The following OR2T2 variants were observed in gnomAD, a reference collection of about 807,000 sequenced individuals.
OR2T2 encodes olfactory receptor 2T2.
For synonymous variants in OR2T2, 50 were observed against 162.7 expected (o/e 0.31, Z 5.27); for missense variants, 138 against 409.1 (o/e 0.34, Z 5.72).
chr1:248,445,638 C>CTT (rs1662622625), exon 1 of OR2T2: 1 of 152,304 alleles, frequency 6.6e-6, no homozygotes, highest in Admixed American at 6.5e-5. Flanking sequence ...TCCACTACTG[C>CTT]TTTAGAAAGA....
chr1:248,447,150 G>C (rs1477111557), intron 2 of OR2T2, among the ~76,000 whole-genome samples: 5 of 151,666 alleles, frequency 3.3e-5, no homozygotes, highest in Middle Eastern at 3.2e-3. Flanking sequence ...TGGATACTAC[G>C]TTGCTGTGGA....
intron 1 of OR2T2, among the ~76,000 whole-genome samples, chr1:248,446,269 G>GA (rs1354566631): frequency 7.0e-6 from 1 of 143,670 alleles, no homozygotes; most frequent in Non-Finnish European, 1.5e-5. Context: ...AGGTCTCCTA[G>GA]AAGCCATCTT....
At chr1:248,447,241 A>G (rs1473949662) in intron 2 of OR2T2, among the ~76,000 whole-genome samples, 1 of 150,174 alleles carries the variant, frequency 6.7e-6, no homozygotes, top group Non-Finnish European at 1.5e-5. Flanking sequence ...GTACAGGAGT[A>G]GCTTGTGTAG....
At chr1:248,449,680 C>T (rs1307728662) in intron 2 of OR2T2, among the ~76,000 whole-genome samples, 1 of 129,372 alleles carries the variant, frequency 7.7e-6, no homozygotes, top group East Asian at 2.3e-4. Context: ...GATTATGTTG[C>T]AACACTGGGT....
At chr1:248,449,765 G>A (rs566154556) in intron 2 of OR2T2, among the ~76,000 whole-genome samples, 2 of 122,732 alleles carry the variant, frequency 1.6e-5, no homozygotes, top group Non-Finnish European at 3.1e-5. Context: ...ATCATTCACC[G>A]CCTTGAAGAG....
At chr1:248,450,493 A>G (rs1159010507) in intron 2 of OR2T2, among the ~76,000 whole-genome samples, 3 of 149,158 alleles carry the variant, frequency 2.0e-5, no homozygotes, top group Admixed American at 6.6e-5. Context: ...TTATCCTTTT[A>G]TCATAGACAT....
chr1:248,453,980 A>T (rs1662883303), exon 3 of OR2T2: 1 of 596,204 alleles, frequency 1.7e-6, no homozygotes, highest in Non-Finnish European at 2.9e-6. Flanking sequence ...ATTCAAAATT[A>T]ACAGGCAAAA....
intron 1 of OR2T2, 90 bp downstream of exon 1, chr1:248,445,759 C>A (rs1279111980): frequency 2.0e-5 from 3 of 151,998 alleles, no homozygotes; most frequent in Admixed American, 2.0e-4. Context: ...ATTAGAAGGC[C>A]ACGTTACTAC....
Position 248,446,352 on chromosome 1 carries a change from AG to A in OR2T2, c.-245-235del, listed in dbSNP as rs1351083200. ...GGAGATGTGGACATGTTGGAAGCTC[AG>A]GCTGTAGGGGTATAATAATGAGTGC... is the stretch of plus-strand genomic sequence containing the variant. On this transcript the variant is annotated intron_variant, in intron 1 of 2. Coordinates refer to ENST00000642130, the Ensembl canonical transcript of OR2T2. 6.2e-5 allele frequency among the ~76,000 whole-genome samples: 9 copies of A among 145,166 alleles called. No homozygotes were observed. The East Asian group carries it at 1.7e-3, about 28-fold the overall frequency.
rs1479349235 is a variant in OR2T2, at chr1:248,446,512, G to GCCAAC, written c.-245-76_-245-75insCAACC. 5.2e-4 allele frequency: 70 copies of GCCAAC among 135,884 alleles called. 1 individual carries two copies. The highest frequency in any genetic ancestry group is 1.7e-3 in the African/African-American group (55 of 32,086). The allele number at this position is 135,884 out of a possible 1,614,324, so 8.4% of individuals were successfully genotyped here. A position where few individuals can be genotyped will look rare whatever the true frequency, so the allele number is the denominator to read the frequency against. On this transcript the variant is annotated intron_variant, in intron 1 of 2. Coordinates refer to ENST00000642130, the Ensembl canonical transcript of OR2T2. Reference sequence around the variant, plus strand: ...AGTATTAGTAGGGTGGACTAGATGGGCTCGCCTCGCCTCACCTCGCCTCTG... The same window carrying GCCAAC: ...AGTATTAGTAGGGTGGACTAGATGGGCCAACCTCGCCTCGCCTCACCTCGCCTCTG...
chr1:248,450,207 T>A lies in OR2T2; in HGVS notation c.-22-2569T>A, dbSNP rs372006218. The stretch of plus-strand genomic sequence containing the variant: ...TCGTTTGTGCCAAGCAGTGTAGTTC[T>A]GCTCTTTAGCAGGGCCTTTTCCCTA... On this transcript the variant is annotated intron_variant, in intron 2 of 2. Transcript: ENST00000642130. 1.7e-4 allele frequency among the ~76,000 whole-genome samples: 3 copies of A among 18,176 alleles called. No individual in the cohort carries two copies. The Non-Finnish European group carries it at 2.3e-3, about 14-fold the overall frequency. The allele number at this position is 18,176 out of a possible 152,430, so 11.9% of individuals were successfully genotyped here. A position where few individuals can be genotyped will look rare whatever the true frequency, so the allele number is the denominator to read the frequency against.
At chr1:248,449,980 A>AAAC (rs1393045759) in intron 2 of OR2T2, among the ~76,000 whole-genome samples, 1,712 of 144,134 alleles carry the variant, frequency 0.012, 13 homozygotes, top group African/African-American at 0.046. Flanking sequence ...TCGTAATGCT[A>AAAC]AATAGCATCA....
intron 1 of OR2T2, 92 bp downstream of exon 1, chr1:248,445,761 C>G (rs1354725177): frequency 6.6e-6 from 1 of 152,008 alleles, no homozygotes; most frequent in African/African-American, 2.4e-5. Flanking sequence ...TAGAAGGCCA[C>G]GTTACTACTG....
chr1:248,448,128 C>T (rs1336754591), intron 2 of OR2T2, among the ~76,000 whole-genome samples: 6 of 151,598 alleles, frequency 4.0e-5, no homozygotes, highest in Admixed American at 6.6e-5. Flanking sequence ...GTGAAGCTGG[C>T]GATTTAGATG....
intron 2 of OR2T2, among the ~76,000 whole-genome samples, chr1:248,450,110 TAAC>T (rs1662759121): frequency 3.5e-5 from 1 of 28,560 alleles, no homozygotes; most frequent in African/African-American, 4.5e-5. Flanking sequence ...GCCTATGGAA[TAAC>T]ATTAGGCATG....
At chr1:248,448,166 C>CT (rs1662711999) in intron 2 of OR2T2, among the ~76,000 whole-genome samples, 1 of 150,500 alleles carries the variant, frequency 6.6e-6, no homozygotes, top group African/African-American at 2.5e-5. Context: ...AAGGTGCTTG[C>CT]TTTAACTAAA....
chr1:248,447,771 T>A (rs1266125218), intron 2 of OR2T2, among the ~76,000 whole-genome samples: 2 of 152,146 alleles, frequency 1.3e-5, no homozygotes, highest in Non-Finnish European at 2.9e-5. Context: ...TGCTTTAAGA[T>A]CCTTTCAGTC....
chr1:248,446,915 A>ATTTTT, intron 2 of OR2T2, 104 bp downstream of exon 2: 1 of 134,282 alleles, frequency 7.4e-6, no homozygotes, highest in Admixed American at 7.2e-5. Context: ...TATAGTGCTG[A>ATTTTT]TTTTTTTTTT....
Position 248,450,479 on chromosome 1 carries a change from G to A in OR2T2, c.-22-2297G>A, listed in dbSNP as rs530236299. On this transcript the variant is annotated intron_variant, in intron 2 of 2. Coordinates refer to ENST00000642130, the Ensembl canonical transcript of OR2T2. ...AAGATAAGATCTAGGAGTTGAAAAC[G>A]TTCTTATCCTTTTATCATAGACATT... is the stretch of plus-strand genomic sequence containing the variant. Among the ~76,000 whole-genome samples the A allele has an allele frequency of 6.8e-5, 10 of 147,890 alleles. No individual in the cohort carries two copies. In the South Asian group the frequency reaches 1.3e-3, roughly 19 times the overall value.
Sources: gnomAD v4.1 joint callset for allele counts (sites outside exome capture counted in the v4.1 genomes callset) on GRCh38, gnomAD v4.1.1 for gene constraint, MANE v1.5 for transcripts, NCBI Gene and HGNC (gene_info 2026-07-23, HGNC 2026-07-21) for gene names.